Variants in CHRM3 observed in about 807,000 individuals in gnomAD.
CHRM3 encodes the protein muscarinic acetylcholine receptor M3.
Under a neutral mutation model 41.8 loss-of-function variants are expected in CHRM3, and 11 were observed. The observed-to-expected ratio is 0.26, with a 90% CI of 0.17 to 0.44. The LOEUF (loss-of-function observed/expected upper bound fraction) is 0.44. CHRM3 is among the 20% of genes least tolerant of loss of function. The pLI is 1.00. For missense variants in CHRM3, 571 were observed against 745.4 expected, an observed-to-expected ratio of 0.77 and a Z score of 2.72; for synonymous variants, 297 against 301.4, an observed-to-expected ratio of 0.99 and a Z score of 0.15.
At position 239,684,154 on chromosome 1, in the gene CHRM3, A is replaced by G. The variant is rs75667345; in HGVS notation, c.-147+5866A>G. On this transcript the variant is annotated intron_variant, in intron 5 of 6. Coordinates refer to ENST00000676153, the MANE Select transcript of CHRM3 (RefSeq NM_001375978.1). The stretch of plus-strand genomic sequence containing the variant: ...CATGGGTGGTTCAGTGGTAGAATTC[A>G]TGCCTGCCACCACAGAACAATTAAG... Among the ~76,000 whole-genome samples the G allele has an allele frequency of 7.9e-5, 12 of 152,306 alleles. No homozygotes were observed. In the East Asian group the frequency reaches 2.1e-3, roughly 27 times the overall value.
chr1:239,585,583 A>G lies in CHRM3; in HGVS notation c.-313+39834A>G, dbSNP rs964498269. 5.3e-5 allele frequency among the ~76,000 whole-genome samples: 8 copies of G among 152,208 alleles called. 1 individual carries two copies. The highest frequency in any genetic ancestry group is 1.9e-4 in the African/African-American group (8 of 41,468). Reference sequence around the variant, plus strand: ...TAGCAGTACCTGAGAGTGAATGCCCAGCTGAATGGTCCAGTGTAGCTGCAA... The same window carrying G: ...TAGCAGTACCTGAGAGTGAATGCCCGGCTGAATGGTCCAGTGTAGCTGCAA... On this transcript the variant is annotated intron_variant, in intron 3 of 6. Coordinates refer to ENST00000676153, the MANE Select transcript of CHRM3 (RefSeq NM_001375978.1).
At chr1:239,828,308 A>G (rs1672624390) in intron 6 of CHRM3, among the ~76,000 whole-genome samples, 1 of 152,208 alleles carries the variant, frequency 6.6e-6, no homozygotes, top group Non-Finnish European at 1.5e-5. Flanking sequence ...ACATAAATAT[A>G]CACGTGTGTA....
intron 3 of CHRM3, among the ~76,000 whole-genome samples, chr1:239,627,316 G>A (rs1373147055): frequency 7.7e-6 from 1 of 130,196 alleles, no homozygotes; most frequent in Non-Finnish European, 1.6e-5. Flanking sequence ...CAGAGACTAG[G>A]ATTGCAACCC....
At chr1:239,433,324 T>C (rs979701365) in intron 1 of CHRM3, among the ~76,000 whole-genome samples, 1 of 152,200 alleles carries the variant, frequency 6.6e-6, no homozygotes, top group African/African-American at 2.4e-5. Context: ...CCATGGAGCC[T>C]AACTCCCCAT....
intron 1 of CHRM3, among the ~76,000 whole-genome samples, chr1:239,438,873 G>A (rs1305409775): frequency 3.9e-5 from 6 of 152,080 alleles, no homozygotes; most frequent in African/African-American, 1.4e-4. Context: ...TTGCCCAAAT[G>A]TGCACCAGTC....
At chr1:239,639,964 G>T (rs61834775) in intron 4 of CHRM3, among the ~76,000 whole-genome samples, 276 of 151,378 alleles carry the variant, frequency 1.8e-3, no homozygotes, top group African/African-American at 5.5e-3. Context: ...TTGAGATTTT[G>T]TAGCATGAAG....
rs143364710 is a variant in CHRM3 at position 239,505,042 on chromosome 1, G to C, written c.-422+12235G>C. Among the ~76,000 whole-genome samples, 9 of 152,214 alleles carry C rather than the reference G, an allele frequency of 5.9e-5. No homozygotes were observed. In the East Asian group the frequency reaches 1.7e-3, roughly 29 times the overall value. ...TTACTCATGTAACCAAATACCACCT[G>C]TACCTCAATAACTTATGGAAAAAAT... On this transcript the variant is annotated intron_variant, in intron 2 of 6. Coordinates refer to ENST00000676153, the MANE Select transcript of CHRM3 (RefSeq NM_001375978.1).
At chr1:239,704,564 T>C (rs986774161) in intron 5 of CHRM3, 1 of 152,192 alleles carries the variant, frequency 6.6e-6, no homozygotes, top group Non-Finnish European at 1.5e-5. Context: ...AGATCCCTCT[T>C]ATGCAATTTA....
At chr1:239,653,143 A>G in intron 4 of CHRM3, among the ~76,000 whole-genome samples, 1 of 152,150 alleles carries the variant, frequency 6.6e-6, no homozygotes, top group East Asian at 1.9e-4. Flanking sequence ...CAAACACAAC[A>G]TGGACAAGTG....
chr1:239,759,090 C>T (rs576472244), intron 5 of CHRM3, among the ~76,000 whole-genome samples: 1 of 151,028 alleles, frequency 6.6e-6, no homozygotes, highest in Non-Finnish European at 1.5e-5. Flanking sequence ...TGGCTCCATA[C>T]CTAAAGCAAA....
chr1:239,828,053 G>C (rs184145021), intron 6 of CHRM3, among the ~76,000 whole-genome samples: 1 of 152,180 alleles, frequency 6.6e-6, no homozygotes, highest in Admixed American at 6.5e-5. Flanking sequence ...CTACGTTCTA[G>C]ATACAAGGGA....
chr1:239,596,557 A>G (rs1385945532), intron 3 of CHRM3, among the ~76,000 whole-genome samples: 1 of 152,186 alleles, frequency 6.6e-6, no homozygotes, highest in African/African-American at 2.4e-5. Context: ...TTTCTTTTCG[A>G]TGGATCAAAA....
At chr1:239,608,207 A>G (rs1327263257) in intron 3 of CHRM3, among the ~76,000 whole-genome samples, 1 of 152,194 alleles carries the variant, frequency 6.6e-6, no homozygotes, top group Non-Finnish European at 1.5e-5. Context: ...GTATTTTGAA[A>G]CCATTTAGTT....
intron 3 of CHRM3, among the ~76,000 whole-genome samples, chr1:239,557,486 T>G (rs1660473245): frequency 6.6e-6 from 1 of 152,162 alleles, no homozygotes; most frequent in Non-Finnish European, 1.5e-5. Flanking sequence ...CTTATTTTAT[T>G]TTATAAGTTT....
intron 6 of CHRM3, among the ~76,000 whole-genome samples, chr1:239,894,762 C>G (rs902682747): frequency 6.6e-5 from 10 of 151,944 alleles, no homozygotes; most frequent in Admixed American, 6.6e-4. Flanking sequence ...AAGCTTAACC[C>G]ACCAACAACT....
At chr1:239,583,541 A>G (rs180839811) in intron 3 of CHRM3, among the ~76,000 whole-genome samples, 326 of 152,296 alleles carry the variant, frequency 2.1e-3, no homozygotes, top group African/African-American at 7.6e-3. Context: ...AATTTAGTAT[A>G]GAGATACTTA....
In CHRM3 at chr1:239,907,672, T is replaced by C. The variant is rs754184385; in HGVS notation, c.221T>C (p.Leu74Ser). The C allele has an allele frequency of 9.9e-6, 16 of 1,614,108 alleles. No homozygotes were observed. Among genetic ancestry groups the C allele is most frequent in the African/African-American group, 1.3e-5 (1 of 74,944 alleles). Residue 74 changes from leucine to serine, a missense_variant, in exon 7 of 7, where the codon TTA becomes TCA. Transcript: ENST00000676153. The surrounding 1 kb of genome is among the most constrained non-coding windows in gnomAD (Gnocchi z 5.4). ...TVWQVVFIAF[L>S]TGILALVTII... is the part of the protein sequence containing the mutation. ...TGGCAAGTGGTCTTCATCGCTTTCT[T>C]AACGGGCATCCTGGCCTTGGTGACC...
intron 5 of CHRM3, among the ~76,000 whole-genome samples, chr1:239,774,155 A>G (rs1027899303): frequency 1.3e-5 from 2 of 152,192 alleles, no homozygotes; most frequent in Non-Finnish European, 2.9e-5. Context: ...TCAACATGCC[A>G]GTAATACCAG....
In CHRM3 at chr1:239,914,095, T is replaced by C. The variant is rs988070342; in HGVS notation, c.*4871T>C. The C allele has an allele frequency of 1.2e-4, 20 of 167,116 alleles. No individual in the cohort carries two copies. The highest frequency in any genetic ancestry group is 4.8e-4 in the African/African-American group (20 of 41,470). 10.4% of individuals were successfully genotyped at this position (167,116 alleles called of 1,614,324 possible). A position where few individuals can be genotyped will look rare whatever the true frequency, so the allele number is the denominator to read the frequency against. ...AGTAAAACTTCCCGCACCCAAATTA[T>C]AATCCGGCAACCCTAGCTTCAGCTA... On this transcript the variant is annotated 3_prime_UTR_variant, in exon 7 of 7. Coordinates refer to ENST00000676153, the MANE Select transcript of CHRM3 (RefSeq NM_001375978.1).
Sources: allele counts gnomAD v4.1 joint callset (sites outside exome capture counted in the v4.1 genomes callset), GRCh38; gene constraint gnomAD v4.1.1; non-coding constraint Gnocchi (gnomAD v3.1); transcripts MANE v1.5; gene names NCBI Gene and HGNC (gene_info 2026-07-23, HGNC 2026-07-21).